The following CTNNA2 variants were observed in gnomAD, a reference collection of about 807,000 sequenced individuals.
The protein encoded by CTNNA2 is catenin alpha 2, also known as catenin alpha-2.
In CTNNA2, 42 loss-of-function variants were observed where a neutral mutation model predicts 101.0. That is an observed-to-expected ratio of 0.42 (90% CI 0.32 to 0.54). The LOEUF (loss-of-function observed/expected upper bound fraction) is 0.54. Among genes scored for constraint, CTNNA2 ranks in the 20% least tolerant of loss-of-function variants. The probability of loss-of-function intolerance (pLI) is 0.14; values close to 1 mark genes in which losing one functional copy is unlikely to be tolerated. For missense variants in CTNNA2, 871 were observed against 1,223.1 expected, an observed-to-expected ratio of 0.71 and a Z score of 4.29; for synonymous variants, 450 against 456.4, an observed-to-expected ratio of 0.99 and a Z score of 0.18.
intron 1 of CTNNA2, among the ~76,000 whole-genome samples, chr2:79,558,995 GTTAACCACTC>G (rs1244689784): frequency 6.6e-6 from 1 of 151,672 alleles, no homozygotes; most frequent in Non-Finnish European, 1.5e-5. Flanking sequence ...TCTTTAGGTT[GTTAACCACTC>G]AAATATTTTA....
intron 11 of CTNNA2, among the ~76,000 whole-genome samples, chr2:80,549,465 A>G (rs1475861347): frequency 2.6e-5 from 4 of 152,122 alleles, no homozygotes; most frequent in South Asian, 2.1e-4. Context: ...ATTTTTTTTC[A>G]TAACAAAATT....
At chr2:80,640,314 A>T (rs1407396850) in intron 18 of CTNNA2, among the ~76,000 whole-genome samples, 4 of 152,192 alleles carry the variant, frequency 2.6e-5, no homozygotes, top group Admixed American at 2.6e-4. Context: ...CAGATTCTGA[A>T]GGAGCAAGGT....
chr2:79,552,067 G>T (rs1253625350), intron 1 of CTNNA2, among the ~76,000 whole-genome samples: 3 of 152,076 alleles, frequency 2.0e-5, no homozygotes, highest in Non-Finnish European at 4.4e-5. Flanking sequence ...TTAACTCAAA[G>T]TCCACAGTCC....
rs192328227 is a variant in CTNNA2, at chr2:80,125,371, C to T, written c.1056+215574C>T. Among the ~76,000 whole-genome samples the T allele has an allele frequency of 2.0e-3, 298 of 152,186 alleles. 1 individual carries two copies. The highest frequency in any genetic ancestry group is 6.7e-3 in the African/African-American group (278 of 41,518). ...ATGGTGTCCTCAGTCTGGGGACCTACGAAGATTACAGTGACAAGGACTATC... is the reference window on the plus strand; with the variant it reads ...ATGGTGTCCTCAGTCTGGGGACCTATGAAGATTACAGTGACAAGGACTATC... On this transcript the variant is annotated intron_variant, in intron 7 of 18. Coordinates refer to ENST00000402739, the MANE Select transcript of CTNNA2 (RefSeq NM_001282597.3).
chr2:80,528,448 A>G (rs1475411935), intron 9 of CTNNA2, among the ~76,000 whole-genome samples: 1 of 152,032 alleles, frequency 6.6e-6, no homozygotes, highest in Admixed American at 6.6e-5. Flanking sequence ...TGCCTGCCTC[A>G]GCCTCCCAAA....
chr2:80,604,318 T>C (rs1001742228), intron 16 of CTNNA2, 139 bp downstream of exon 16: 6 of 682,388 alleles, frequency 8.8e-6, no homozygotes, highest in African/African-American at 7.1e-5. Context: ...TTTTACACAC[T>C]GGTATCTGCC....
chr2:80,261,759 G>C (rs904193157), intron 7 of CTNNA2, among the ~76,000 whole-genome samples: 1 of 152,142 alleles, frequency 6.6e-6, no homozygotes, highest in Non-Finnish European at 1.5e-5. Flanking sequence ...TAAAACCAAA[G>C]GCAATAGAGG....
In CTNNA2 at chr2:79,408,426, G is replaced by T. The variant is rs186653593; in HGVS notation, c.-135+34413G>T. 0.014 allele frequency among the ~76,000 whole-genome samples: 2,149 copies of T among 150,402 alleles called. 118 individuals carry two copies. In the East Asian group the frequency reaches 0.17, roughly 12 times the overall value. ...CCATTAACTCGTCATTTAGCATTAGGTATATCTCCTAATGCTATCCCTCCC... is the reference window on the plus strand; with the variant it reads ...CCATTAACTCGTCATTTAGCATTAGTTATATCTCCTAATGCTATCCCTCCC... On this transcript the variant is annotated intron_variant, in intron 4 of 21. Transcript: ENST00000466387.
chr2:80,080,432 T>C (rs539872614), intron 7 of CTNNA2, among the ~76,000 whole-genome samples: 1 of 152,296 alleles, frequency 6.6e-6, no homozygotes, highest in Admixed American at 6.5e-5. Flanking sequence ...GAAACAGCCT[T>C]GACCTGTACT....
At chr2:79,712,357 A>G (rs1160464382) in intron 2 of CTNNA2, among the ~76,000 whole-genome samples, 1 of 152,162 alleles carries the variant, frequency 6.6e-6, no homozygotes, top group Non-Finnish European at 1.5e-5. Flanking sequence ...TCTTACTTTC[A>G]TTGCCATGCA....
In CTNNA2 at chr2:79,409,289, A is replaced by G. The variant is rs533889970; in HGVS notation, c.-135+35276A>G. On this transcript the variant is annotated intron_variant, in intron 4 of 21. Transcript: ENST00000466387. Reference sequence around the variant, plus strand: ...ATGGTAGTTTCTTTTGCTGTGCAGAAGCACTTTAGTTTAATTACATCCCAT... The same window carrying G: ...ATGGTAGTTTCTTTTGCTGTGCAGAGGCACTTTAGTTTAATTACATCCCAT... 1.7e-3 allele frequency among the ~76,000 whole-genome samples: 254 copies of G among 152,218 alleles called. 2 individuals carry two copies. The highest frequency in any genetic ancestry group is 5.9e-3 in the African/African-American group (247 of 41,558).
chr2:80,177,501 C>T (rs937416835), intron 7 of CTNNA2, among the ~76,000 whole-genome samples: 2 of 152,168 alleles, frequency 1.3e-5, no homozygotes, highest in African/African-American at 4.8e-5. Context: ...CCAGGTCAGC[C>T]TTGGTGAGTG....
intron 4 of CTNNA2, among the ~76,000 whole-genome samples, chr2:79,496,059 C>A (rs1168578714): frequency 1.3e-5 from 2 of 151,884 alleles, no homozygotes; most frequent in African/African-American, 4.8e-5. Flanking sequence ...TGAAAATGTT[C>A]TAAAAATAGA....
At chr2:79,407,102 C>A (rs975313215) in intron 4 of CTNNA2, among the ~76,000 whole-genome samples, 5 of 152,000 alleles carry the variant, frequency 3.3e-5, no homozygotes, top group African/African-American at 7.2e-5. Flanking sequence ...CAATGTATAA[C>A]CCTGACCTCC....
chr2:80,221,633 T>C (rs1419630800), intron 7 of CTNNA2, among the ~76,000 whole-genome samples: 1 of 152,200 alleles, frequency 6.6e-6, no homozygotes, highest in Non-Finnish European at 1.5e-5. Flanking sequence ...TTTCTTCCAT[T>C]GGTACCTCTT....
At chr2:79,700,264 A>C (rs532564525) in intron 2 of CTNNA2, among the ~76,000 whole-genome samples, 1 of 152,238 alleles carries the variant, frequency 6.6e-6, no homozygotes, top group Admixed American at 6.5e-5. Flanking sequence ...TTATTTTGAA[A>C]TTTTAACACT....
intron 1 of CTNNA2, among the ~76,000 whole-genome samples, chr2:79,197,556 T>A (rs1381518258): frequency 2.0e-5 from 3 of 151,732 alleles, no homozygotes; most frequent in African/African-American, 7.3e-5. Context: ...CCATTGTCCA[T>A]TTGTATATTC....
chr2:79,258,701 C>T lies in CTNNA2; in HGVS notation c.-405-54008C>T, dbSNP rs746846208. Among the ~76,000 whole-genome samples the T allele has an allele frequency of 1.1e-4, 17 of 152,118 alleles. No individual in the cohort carries two copies. The South Asian group carries it at 3.5e-3, about 32-fold the overall frequency. Reference sequence around the variant, plus strand: ...AAGTGGCAGACTAGGAAGAAAAATACAGGACTAAGCTCAATGCTTTTGAAA... The same window carrying T: ...AAGTGGCAGACTAGGAAGAAAAATATAGGACTAAGCTCAATGCTTTTGAAA... On this transcript the variant is annotated intron_variant, in intron 2 of 21. Coordinates refer to the CTNNA2 transcript ENST00000466387.
intron 9 of CTNNA2, among the ~76,000 whole-genome samples, chr2:80,431,594 A>G (rs1175239315): frequency 6.6e-6 from 1 of 152,236 alleles, no homozygotes; most frequent in Admixed American, 6.5e-5. Flanking sequence ...CCTCACACTC[A>G]GGTGAACAAG....
Sources: allele counts gnomAD v4.1 joint callset (sites outside exome capture counted in the v4.1 genomes callset), GRCh38; gene constraint gnomAD v4.1.1; transcripts MANE v1.5; gene names NCBI Gene and HGNC (gene_info 2026-07-23, HGNC 2026-07-21).